EFR3A: variants seen among roughly 807,000 people sequenced by gnomAD.
EFR3A encodes the protein EFR3 homolog A.
In EFR3A, 76 loss-of-function variants were observed where a neutral mutation model predicts 104.4. That is an observed-to-expected ratio of 0.73 (90% CI 0.60 to 0.88). The LOEUF (loss-of-function observed/expected upper bound fraction) is 0.88. Ranked by LOEUF, EFR3A falls within the 40% of genes least tolerant of loss-of-function variation. The pLI is 0.00. For missense variants in EFR3A, 985 were observed against 1,012.5 expected, an observed-to-expected ratio of 0.97 and a Z score of 0.37; for synonymous variants, 330 against 330.0, an observed-to-expected ratio of 1.00 and a Z score of 0.00.
intron 9 of EFR3A, among the ~76,000 whole-genome samples, chr8:131,969,869 G>A (rs1819954670): frequency 6.6e-6 from 1 of 152,132 alleles, no homozygotes. Flanking sequence ...TGCCTTTCCT[G>A]AAGAAGCTTA....
chr8:131,937,708 T>C (rs1817972980), intron 1 of EFR3A, among the ~76,000 whole-genome samples: 1 of 151,790 alleles, frequency 6.6e-6, no homozygotes, highest in Admixed American at 6.6e-5. Flanking sequence ...TAGAATTAAA[T>C]TTAAAGGAAG....
intron 18 of EFR3A, among the ~76,000 whole-genome samples, chr8:131,988,911 C>T (rs1821027638): frequency 2.0e-5 from 3 of 151,954 alleles, no homozygotes; most frequent in Admixed American, 2.0e-4. Context: ...ATTTTTACCC[C>T]TGTTATTTCT....
chr8:131,977,171 A>T (rs1200949769), intron 12 of EFR3A, 79 bp downstream of exon 12: 2 of 1,020,780 alleles, frequency 2.0e-6, no homozygotes, highest in Non-Finnish European at 2.9e-6. Flanking sequence ...TCATGTTACA[A>T]CCGTTCTTTC....
intron 7 of EFR3A, among the ~76,000 whole-genome samples, chr8:131,957,928 G>C (rs896918222): frequency 5.9e-5 from 9 of 152,290 alleles, no homozygotes; most frequent in African/African-American, 2.2e-4. Context: ...AGGCTATACT[G>C]TAGAGATCTT....
chr8:131,941,330 G>T (rs997293958), intron 2 of EFR3A, among the ~76,000 whole-genome samples: 2 of 151,782 alleles, frequency 1.3e-5, no homozygotes, highest in Non-Finnish European at 2.9e-5. Context: ...CCTGTTAAAT[G>T]AATAGGAACA....
At chr8:131,911,684 G>T (rs1434225900) in intron 1 of EFR3A, among the ~76,000 whole-genome samples, 1 of 152,180 alleles carries the variant, frequency 6.6e-6, no homozygotes, top group East Asian at 1.9e-4. Context: ...AGATACGGGG[G>T]AAAATGCCCA....
At chr8:131,958,428 T>G (rs1172737989) in intron 7 of EFR3A, among the ~76,000 whole-genome samples, 2 of 152,148 alleles carry the variant, frequency 1.3e-5, no homozygotes, top group African/African-American at 4.8e-5. Flanking sequence ...CCACTTTATT[T>G]TAATTAGTGG....
At position 131,981,021 on chromosome 8, in the gene EFR3A, TTATATATATA is replaced by T. The variant is rs762282805; in HGVS notation, c.1575+1615_1575+1624del. ...GTGTAAGGCTGAATAGTATTTCATT[TTATATATATA>T]TATATATATATATACACACACTACA... On this transcript the variant is annotated intron_variant, in intron 14 of 22. Coordinates refer to ENST00000254624, the MANE Select transcript of EFR3A (RefSeq NM_015137.6). Among the ~76,000 whole-genome samples, 9 of 126,044 alleles carry T rather than the reference TTATATATATA, an allele frequency of 7.1e-5. No individual in the cohort carries two copies. In the East Asian group the frequency reaches 9.6e-4, roughly 13 times the overall value. 82.7% of individuals were successfully genotyped at this position (126,044 alleles called of 152,430 possible).
intron 21 of EFR3A, 112 bp from the exon 22 acceptor site, chr8:132,003,117 CTTAATAA>C (rs1442383842): frequency 2.5e-6 from 2 of 784,730 alleles, no homozygotes; most frequent in Non-Finnish European, 2.0e-6. Flanking sequence ...GCATTGTGTA[CTTAATAA>C]TTAATCAGCT....
intron 18 of EFR3A, among the ~76,000 whole-genome samples, chr8:131,994,032 A>G (rs76756301): frequency 9.9e-5 from 15 of 152,116 alleles, no homozygotes; most frequent in Non-Finnish European, 1.9e-4. Flanking sequence ...AACCCCCATG[A>G]CACAAATTTA....
At chr8:131,920,234 C>T (rs1434968500) in intron 1 of EFR3A, among the ~76,000 whole-genome samples, 1 of 152,124 alleles carries the variant, frequency 6.6e-6, no homozygotes, top group Non-Finnish European at 1.5e-5. Flanking sequence ...TTAAGACATT[C>T]TAGACCCTAA....
chr8:131,979,442 A>G, intron 14 of EFR3A, 21 bp downstream of exon 14: 2 of 1,470,278 alleles, frequency 1.4e-6, no homozygotes, highest in Non-Finnish European at 1.9e-6. Context: ...TTCTAAAAAA[A>G]TAAATGTGTA....
At chr8:131,973,422 T>C (rs948771790) in intron 10 of EFR3A, among the ~76,000 whole-genome samples, 1 of 152,144 alleles carries the variant, frequency 6.6e-6, no homozygotes, top group Non-Finnish European at 1.5e-5. Context: ...CACTCTAGAA[T>C]ATTTAATGTA....
chr8:131,957,889 G>T (rs1284325715), intron 7 of EFR3A, among the ~76,000 whole-genome samples: 1 of 152,134 alleles, frequency 6.6e-6, no homozygotes, highest in Non-Finnish European at 1.5e-5. Flanking sequence ...TAGTTTAGGG[G>T]TTACGGTGAG....
chr8:131,953,957 G>A lies in EFR3A; in HGVS notation c.628G>A (p.Glu210Lys). ...CCTGTTTAACATGCAAAAGATAGAA[G>A]AAGTTGACAGGTATTTAAAAAAATA... Reference protein sequence around the residue: ...SLLFNMQKIEEVDSRIGPPSS... With the variant: ...SLLFNMQKIEKVDSRIGPPSS... Residue 210 changes from glutamate (E) to lysine (K), a missense_variant, in exon 6 of 23, where the codon GAA becomes AAA. Physicochemically the swap from Glu to Lys is moderately conservative, Grantham distance 56 (BLOSUM62 1). Coordinates refer to ENST00000254624, the MANE Select transcript of EFR3A (RefSeq NM_015137.6). 6 of 1,543,204 alleles carry A rather than the reference G, an allele frequency of 3.9e-6. No homozygotes were observed. The highest frequency in any genetic ancestry group is 4.4e-6 in the Non-Finnish European group (5 of 1,143,544).
chr8:131,973,675 C>A (rs1820187536), intron 10 of EFR3A, among the ~76,000 whole-genome samples: 1 of 151,846 alleles, frequency 6.6e-6, no homozygotes, highest in African/African-American at 2.4e-5. Context: ...GTCGGTGGGC[C>A]ATGGAACAGG....
At chr8:131,970,366 T>C in intron 9 of EFR3A, 110 bp from the exon 10 acceptor site, 1 of 1,013,732 alleles carries the variant, frequency 9.9e-7, no homozygotes, top group Non-Finnish European at 1.4e-6. Flanking sequence ...TACTATGGAT[T>C]TCTGACTATT....
chr8:131,917,603 C>T (rs1409214149), intron 1 of EFR3A, among the ~76,000 whole-genome samples: 1 of 152,212 alleles, frequency 6.6e-6, no homozygotes, highest in Non-Finnish European at 1.5e-5. Flanking sequence ...TTAAACCCTG[C>T]TAAACACTTT....
intron 1 of EFR3A, among the ~76,000 whole-genome samples, chr8:131,905,806 A>G (rs1816230149): frequency 6.6e-6 from 1 of 152,242 alleles, no homozygotes; most frequent in Non-Finnish European, 1.5e-5. Context: ...GTAAGCACCT[A>G]TTGAAAGTTG....
Sources: gnomAD v4.1 joint callset for allele counts (sites outside exome capture counted in the v4.1 genomes callset) on GRCh38, gnomAD v4.1.1 for gene constraint, MANE v1.5 for transcripts, NCBI Gene and HGNC (gene_info 2026-07-23, HGNC 2026-07-21) for gene names.